Variants in HS6ST2 observed in about 807,000 individuals in gnomAD.
HS6ST2 encodes heparan-sulfate 6-O-sulfotransferase 2.
In HS6ST2, 17 loss-of-function variants were observed where a neutral mutation model predicts 33.0. That is an observed-to-expected ratio of 0.52 (90% CI 0.35 to 0.77). The LOEUF is 0.77. HS6ST2 is among the 30% of genes least tolerant of loss of function. HS6ST2 has a pLI of 0.01. For synonymous variants in HS6ST2, 248 were observed against 237.1 expected (o/e 1.05, Z -0.42); for missense variants, 519 against 551.7 (o/e 0.94, Z 0.59).
At chrX:132,956,688 C>A (rs1279677209) in intron 2 of HS6ST2, 120 bp downstream of exon 2, 4 of 876,981 alleles carry the variant, frequency 4.6e-6, no homozygotes, top group Non-Finnish European at 6.0e-6. Flanking sequence ...ACCTGCCCAG[C>A]CGGGGTGCAA....
chrX:132,772,006 A>G (rs1440349264), intron 2 of HS6ST2, among the ~76,000 whole-genome samples: 2 of 111,657 alleles, frequency 1.8e-5, no homozygotes, highest in African/African-American at 6.5e-5. Context: ...AATGTTACTT[A>G]TGGTGTCTTA....
intron 2 of HS6ST2, among the ~76,000 whole-genome samples, chrX:132,801,876 T>C (rs1387841663): frequency 8.9e-6 from 1 of 112,176 alleles, no homozygotes. Flanking sequence ...AGGGATCCAA[T>C]TAAACATGTG....
At chrX:132,883,262 C>CT (rs772152270) in intron 2 of HS6ST2, among the ~76,000 whole-genome samples, 117 of 110,938 alleles carry the variant, frequency 1.1e-3, no homozygotes, top group African/African-American at 3.6e-3. Flanking sequence ...TGGTCCTGGA[C>CT]TTTTTTTGGC....
intron 2 of HS6ST2, among the ~76,000 whole-genome samples, chrX:132,761,353 T>C (rs1232943696): frequency 2.7e-5 from 3 of 111,284 alleles, no homozygotes; most frequent in Non-Finnish European, 5.7e-5. Flanking sequence ...CAGAAGTCAA[T>C]GGGCCTGCTG....
intron 3 of HS6ST2, among the ~76,000 whole-genome samples, chrX:132,671,057 G>T (rs1475534068): frequency 8.9e-6 from 1 of 112,112 alleles, no homozygotes; most frequent in African/African-American, 3.2e-5. Flanking sequence ...ATTCTGAGTG[G>T]GGACTGAAGA....
At chrX:132,767,738 C>T (rs772846453) in intron 2 of HS6ST2, among the ~76,000 whole-genome samples, 10 of 110,974 alleles carry the variant, frequency 9.0e-5, no homozygotes, top group Admixed American at 3.9e-4. Flanking sequence ...CCTCTATGCT[C>T]GGCATGGTGC....
chrX:132,748,533 T>C (rs756306384), intron 2 of HS6ST2, among the ~76,000 whole-genome samples: 2 of 112,155 alleles, frequency 1.8e-5, no homozygotes, highest in South Asian at 7.5e-4. Context: ...CACTTGGCCA[T>C]CTACGAATGC....
chrX:132,955,695 T>C (rs1428944696), intron 2 of HS6ST2, among the ~76,000 whole-genome samples: 1 of 111,821 alleles, frequency 8.9e-6, no homozygotes, highest in Non-Finnish European at 1.9e-5. Flanking sequence ...TTAAGGAGAC[T>C]TGCGAAACAG....
chrX:132,677,841 G>A (rs1441128252), intron 3 of HS6ST2, among the ~76,000 whole-genome samples: 2 of 111,868 alleles, frequency 1.8e-5, no homozygotes, highest in Non-Finnish European at 3.8e-5. Context: ...AGGAAGAGCT[G>A]AGGTCATATT....
chrX:132,858,638 C>A (rs1186353031), intron 2 of HS6ST2, among the ~76,000 whole-genome samples: 1 of 111,641 alleles, frequency 9.0e-6, no homozygotes, highest in African/African-American at 3.3e-5. Context: ...GATAAGAAGA[C>A]ACAAGATTGG....
chrX:132,714,209 G>T (rs2064254737), intron 2 of HS6ST2, among the ~76,000 whole-genome samples: 1 of 111,658 alleles, frequency 9.0e-6, no homozygotes, highest in Non-Finnish European at 1.9e-5. Flanking sequence ...GCCATTAACT[G>T]GCTGTGAAAC....
chrX:132,627,535 C>T lies in HS6ST2; in HGVS notation c.*688G>A, dbSNP rs771973297. The T allele has an allele frequency of 5.2e-4, 58 of 112,231 alleles. No homozygotes were observed. The highest frequency in any genetic ancestry group is 1.7e-3 in the African/African-American group (54 of 30,870). 9.2% of individuals were successfully genotyped at this position (112,231 alleles called of 1,213,427 possible). On this transcript the variant is annotated 3_prime_UTR_variant, in exon 5 of 5. Coordinates refer to ENST00000370833, the MANE Select transcript of HS6ST2 (RefSeq NM_001394073.1). ...GGTGTTTTGTTTAATGTGAGATACACCCTGTGTAAAACCTTTAAACAGTAG... is the reference window on the plus strand; with the variant it reads ...GGTGTTTTGTTTAATGTGAGATACATCCTGTGTAAAACCTTTAAACAGTAG...
At chrX:132,762,989 C>G (rs187201569) in intron 2 of HS6ST2, among the ~76,000 whole-genome samples, 1 of 111,554 alleles carries the variant, frequency 9.0e-6, no homozygotes, top group African/African-American at 3.3e-5. Context: ...TGTAAAATGC[C>G]GATGACAATA....
At chrX:132,931,356 G>A (rs1435401254) in intron 2 of HS6ST2, among the ~76,000 whole-genome samples, 1 of 111,740 alleles carries the variant, frequency 8.9e-6, no homozygotes, top group African/African-American at 3.3e-5. Flanking sequence ...GGCAAGCATG[G>A]CCAAGAAGAC....
intron 2 of HS6ST2, among the ~76,000 whole-genome samples, chrX:132,881,225 T>C (rs1243696186): frequency 9.0e-6 from 1 of 110,700 alleles, no homozygotes; most frequent in Non-Finnish European, 1.9e-5. Flanking sequence ...ATGGTTGAAC[T>C]AGTTTACAGT....
At chrX:132,642,444 TG>T (rs763249399) in intron 4 of HS6ST2, among the ~76,000 whole-genome samples, 1 of 110,782 alleles carries the variant, frequency 9.0e-6, no homozygotes, top group African/African-American at 3.3e-5. Flanking sequence ...TGGCTTTTTC[TG>T]GGGGGGTGTG....
At chrX:132,766,292 CAA>C (rs1287277109) in intron 2 of HS6ST2, among the ~76,000 whole-genome samples, 1 of 112,185 alleles carries the variant, frequency 8.9e-6, no homozygotes, top group Non-Finnish European at 1.9e-5. Flanking sequence ...ACTAAAATAA[CAA>C]ATTCATTTTA....
At chrX:132,830,873 T>C (rs1373117358) in intron 2 of HS6ST2, among the ~76,000 whole-genome samples, 1 of 111,622 alleles carries the variant, frequency 9.0e-6, no homozygotes, top group Non-Finnish European at 1.9e-5. Flanking sequence ...GTGCAGGAAT[T>C]CCCAGTGCCT....
intron 2 of HS6ST2, chrX:132,735,482 G>A (rs925159656): frequency 8.9e-5 from 10 of 112,163 alleles, no homozygotes; most frequent in East Asian, 2.8e-4. Context: ...TGGGAAAACC[G>A]ACCCGTGACA....
Sources: gnomAD v4.1 joint callset for allele counts (sites outside exome capture counted in the v4.1 genomes callset) on GRCh38, gnomAD v4.1.1 for gene constraint, MANE v1.5 for transcripts, NCBI Gene and HGNC (gene_info 2026-07-23, HGNC 2026-07-21) for gene names.